The following IL1RAPL2 variants were observed in gnomAD, a reference collection of about 807,000 sequenced individuals.
The protein encoded by IL1RAPL2 is interleukin 1 receptor accessory protein like 2, also known as X-linked interleukin-1 receptor accessory protein-like 2.
Under a neutral mutation model 44.1 loss-of-function variants are expected in IL1RAPL2, and 3 were observed. The observed-to-expected ratio is 0.07, with a 90% confidence interval of 0.03 to 0.18. The LOEUF (loss-of-function observed/expected upper bound fraction) is 0.18. Among genes scored for constraint, IL1RAPL2 ranks in the 10% least tolerant of loss-of-function variants. IL1RAPL2 has a pLI of 1.00. For synonymous variants in IL1RAPL2, 181 were observed against 178.8 expected, an observed-to-expected ratio of 1.01 and a Z score of -0.10; for missense variants, 391 against 496.4, an observed-to-expected ratio of 0.79 and a Z score of 2.02.
intron 4 of IL1RAPL2, among the ~76,000 whole-genome samples, chrX:105,259,835 C>T (rs1569414513): frequency 9.0e-6 from 1 of 111,656 alleles, no homozygotes; most frequent in Non-Finnish European, 1.9e-5. Context: ...GCCTGGAGGA[C>T]CTGCCCGGTA....
At chrX:104,819,643 G>A (rs1310784695) in intron 2 of IL1RAPL2, among the ~76,000 whole-genome samples, 1 of 111,846 alleles carries the variant, frequency 8.9e-6, no homozygotes, top group Non-Finnish European at 1.9e-5. Flanking sequence ...TCCCTGGAGA[G>A]GTAGCCAACA....
chrX:105,122,724 TCTTTTA>T (rs1474197709), intron 2 of IL1RAPL2, among the ~76,000 whole-genome samples: 1 of 112,079 alleles, frequency 8.9e-6, no homozygotes, highest in African/African-American at 3.2e-5. Flanking sequence ...AGGACCATAT[TCTTTTA>T]CTTATGCAGT....
chrX:104,880,075 ATT>A (rs11316128), intron 2 of IL1RAPL2, among the ~76,000 whole-genome samples: 7 of 108,804 alleles, frequency 6.4e-5, no homozygotes, highest in East Asian at 2.9e-4. Context: ...CTGTTTTGCA[ATT>A]TTTTTTTATC....
At chrX:105,175,677 T>A (rs58867743) in intron 2 of IL1RAPL2, among the ~76,000 whole-genome samples, 97 of 110,348 alleles carry the variant, frequency 8.8e-4, no homozygotes, top group African/African-American at 2.9e-3. Flanking sequence ...ATGGTTTTTT[T>A]TAAAAAAATA....
At chrX:104,636,334 G>C (rs943011582) in intron 1 of IL1RAPL2, among the ~76,000 whole-genome samples, 3 of 112,291 alleles carry the variant, frequency 2.7e-5, no homozygotes, top group African/African-American at 9.7e-5. Context: ...TAGATCTCCA[G>C]CTGCGTGCTG....
chrX:104,873,620 G>A (rs1381051859), intron 2 of IL1RAPL2, among the ~76,000 whole-genome samples: 1 of 110,926 alleles, frequency 9.0e-6, no homozygotes, highest in African/African-American at 3.3e-5. Context: ...GAAGAGCAAG[G>A]CGGTAAATCA....
intron 2 of IL1RAPL2, among the ~76,000 whole-genome samples, chrX:104,830,613 A>G (rs187845383): frequency 2.1e-4 from 24 of 111,942 alleles, no homozygotes; most frequent in Admixed American, 1.9e-3. Context: ...TTGTTAATAT[A>G]TATGACATCC....
chrX:104,625,276 T>G (rs1258872909), intron 1 of IL1RAPL2, among the ~76,000 whole-genome samples: 1 of 110,976 alleles, frequency 9.0e-6, no homozygotes, highest in Non-Finnish European at 1.9e-5. Flanking sequence ...CTTTTTCCAG[T>G]TATAGAAGCA....
chrX:104,908,154 T>C (rs1202188383), intron 2 of IL1RAPL2, among the ~76,000 whole-genome samples: 2 of 111,360 alleles, frequency 1.8e-5, no homozygotes, highest in African/African-American at 3.3e-5. Flanking sequence ...TCCATTTGCT[T>C]GGTAGATTTT....
intron 6 of IL1RAPL2, among the ~76,000 whole-genome samples, chrX:105,557,561 G>C (rs1346758303): frequency 9.0e-6 from 1 of 111,366 alleles, no homozygotes; most frequent in African/African-American, 3.3e-5. Context: ...AAATTATACT[G>C]TTCCTTTTCA....
chrX:104,683,647 A>G (rs1930928367), intron 2 of IL1RAPL2, among the ~76,000 whole-genome samples: 1 of 112,960 alleles, frequency 8.9e-6, no homozygotes, highest in Non-Finnish European at 1.9e-5. Context: ...CTGTTTCATG[A>G]TCCAATATTA....
At chrX:104,598,394 G>C (rs887278607) in intron 1 of IL1RAPL2, among the ~76,000 whole-genome samples, 1 of 112,179 alleles carries the variant, frequency 8.9e-6, no homozygotes, top group Admixed American at 9.5e-5. Context: ...AACACAAAGG[G>C]AACCGGCTAG....
chrX:105,118,178 TG>T (rs2032881713), intron 2 of IL1RAPL2, among the ~76,000 whole-genome samples: 1 of 112,563 alleles, frequency 8.9e-6, no homozygotes, highest in African/African-American at 3.2e-5. Flanking sequence ...GTACTGTGAC[TG>T]TGTCAAGAAA....
At chrX:105,243,752 T>C (rs1399976211) in intron 4 of IL1RAPL2, among the ~76,000 whole-genome samples, 2 of 109,594 alleles carry the variant, frequency 1.8e-5, no homozygotes, top group Admixed American at 9.8e-5. Context: ...CACTAAAGAA[T>C]AGGGCCAACA....
intron 1 of IL1RAPL2, among the ~76,000 whole-genome samples, chrX:104,633,022 C>A (rs1188448525): frequency 6.3e-5 from 7 of 111,324 alleles, no homozygotes; most frequent in Admixed American, 1.9e-4. Flanking sequence ...CCCATCAATA[C>A]CTAATTTATT....
chrX:105,753,032 T>C (rs935433734), intron 9 of IL1RAPL2: 3 of 328,440 alleles, frequency 9.1e-6, no homozygotes, highest in Admixed American at 6.3e-5. Flanking sequence ...ACCAAGGACA[T>C]GCATGCTCTT....
At chrX:105,025,058 G>A (rs1422053986) in intron 2 of IL1RAPL2, among the ~76,000 whole-genome samples, 1 of 108,238 alleles carries the variant, frequency 9.2e-6, no homozygotes, top group Non-Finnish European at 1.9e-5. Context: ...TATTGTAGGG[G>A]GATTATTATA....
At chrX:105,289,696 G>T (rs1329196007) in intron 5 of IL1RAPL2, among the ~76,000 whole-genome samples, 1 of 111,527 alleles carries the variant, frequency 9.0e-6, no homozygotes, top group Non-Finnish European at 1.9e-5. Context: ...GTTTGGTTTT[G>T]GACATTTGAG....
intron 5 of IL1RAPL2, among the ~76,000 whole-genome samples, chrX:105,447,343 ATATAAAT>A (rs2035972089): frequency 3.3e-5 from 2 of 60,452 alleles, no homozygotes; most frequent in Non-Finnish European, 5.7e-5. Context: ...AAATATAAAT[ATATAAAT>A]ATATAAATAT....
Sources: gnomAD v4.1 joint callset for allele counts (sites outside exome capture counted in the v4.1 genomes callset) on GRCh38, gnomAD v4.1.1 for gene constraint, MANE v1.5 for transcripts, NCBI Gene and HGNC (gene_info 2026-07-23, HGNC 2026-07-21) for gene names.